Variants in TRHDE observed in about 807,000 individuals in gnomAD.
TRHDE encodes thyrotropin-releasing hormone-degrading ectoenzyme.
TRHDE carries 72 observed loss-of-function variants against 125.7 expected under a neutral mutation model. That is an observed-to-expected ratio of 0.57 (90% CI 0.47 to 0.70). The LOEUF (loss-of-function observed/expected upper bound fraction) is 0.70. Ranked by LOEUF, TRHDE falls within the 30% of genes least tolerant of loss-of-function variation. The pLI, the probability that TRHDE is intolerant of heterozygous loss-of-function variation, is 0.00. For missense variants in TRHDE, 1,110 were observed against 1,327.1 expected, an observed-to-expected ratio of 0.84 and a Z score of 2.54; for synonymous variants, 509 against 509.1, an observed-to-expected ratio of 1.00 and a Z score of 0.00.
chr12:72,120,933 C>T (rs888680957), intron 2 of TRHDE, among the ~76,000 whole-genome samples: 18 of 152,058 alleles, frequency 1.2e-4, no homozygotes, highest in African/African-American at 4.1e-4. Context: ...CCCACTCAGC[C>T]TCCCAAAGTG....
chr12:72,198,845 G>A (rs1017173053), intron 2 of TRHDE, among the ~76,000 whole-genome samples: 1 of 152,082 alleles, frequency 6.6e-6, no homozygotes, highest in African/African-American at 2.4e-5. Flanking sequence ...TTGACTCACA[G>A]TTCTGCATGG....
At chr12:72,565,983 A>AT (rs1021701898) in intron 9 of TRHDE, among the ~76,000 whole-genome samples, 7 of 152,212 alleles carry the variant, frequency 4.6e-5, no homozygotes, top group African/African-American at 1.7e-4. Context: ...AACATAATCC[A>AT]TTGCAGTCTT....
intron 1 of TRHDE, among the ~76,000 whole-genome samples, chr12:72,103,306 T>G (rs1238626835): frequency 6.6e-6 from 1 of 152,190 alleles, no homozygotes; most frequent in African/African-American, 2.4e-5. Flanking sequence ...TAAGGAAGTA[T>G]CATATTAAAA....
rs369724605 is a variant in TRHDE, at chr12:72,307,019, G to C, written c.1188+20065G>C. Among the ~76,000 whole-genome samples the C allele has an allele frequency of 3.0e-4, 45 of 152,230 alleles. No individual in the cohort carries two copies. The South Asian group carries it at 8.9e-3, about 30-fold the overall frequency. ...AAGGCATTAGGAGGAAGAGTAGAAT[G>C]GTAGGTGACGAGATCAGATATGTAT... On this transcript the variant is annotated intron_variant, in intron 2 of 18. Coordinates refer to ENST00000261180, the MANE Select transcript of TRHDE (RefSeq NM_013381.3).
chr12:72,473,520 A>G (rs1380415173), intron 5 of TRHDE, among the ~76,000 whole-genome samples: 1 of 152,134 alleles, frequency 6.6e-6, no homozygotes, highest in Admixed American at 6.6e-5. Context: ...AATATATCAA[A>G]CAGAAAAATG....
At chr12:72,615,417 C>T (rs1329214571) in intron 12 of TRHDE, among the ~76,000 whole-genome samples, 1 of 152,144 alleles carries the variant, frequency 6.6e-6, no homozygotes, top group Non-Finnish European at 1.5e-5. Flanking sequence ...ATTCCACATA[C>T]TTTCCTATAT....
At chr12:72,430,291 G>A (rs1194430194) in intron 3 of TRHDE, among the ~76,000 whole-genome samples, 3 of 138,432 alleles carry the variant, frequency 2.2e-5, no homozygotes, top group African/African-American at 8.4e-5. Context: ...TTGTGTGTGT[G>A]TATATATGTA....
Position 72,494,379 on chromosome 12 carries a change from T to G in TRHDE, c.1585-5119T>G, listed in dbSNP as rs1877813370. ...TCCATGCCTATGAATACCTCACAAC[T>G]ACTTGAATTGGCTCAGTCTTGGCTC... On this transcript the variant is annotated intron_variant, in intron 5 of 18. Transcript: ENST00000261180. 1.3e-5 allele frequency among the ~76,000 whole-genome samples: 2 copies of G among 152,094 alleles called. 1 individual carries two copies. Among genetic ancestry groups the G allele is most frequent in the Admixed American group, 1.3e-4 (2 of 15,240 alleles).
intron 7 of TRHDE, among the ~76,000 whole-genome samples, chr12:72,552,544 C>G (rs1869727399): frequency 6.6e-6 from 1 of 152,064 alleles, no homozygotes; most frequent in Non-Finnish European, 1.5e-5. Context: ...GAGAGGCAGG[C>G]AGAGTACCAA....
chr12:72,183,095 A>G (rs1337925147), intron 2 of TRHDE, among the ~76,000 whole-genome samples: 3 of 152,166 alleles, frequency 2.0e-5, no homozygotes, highest in East Asian at 1.9e-4. Flanking sequence ...GTTCTGTGAG[A>G]GTCCCCCAAC....
chr12:72,468,868 A>G (rs1264333294), intron 3 of TRHDE, among the ~76,000 whole-genome samples: 1 of 152,122 alleles, frequency 6.6e-6, no homozygotes, highest in African/African-American at 2.4e-5. Context: ...GTTTATTTTT[A>G]AGCCTGGAGA....
intron 15 of TRHDE, among the ~76,000 whole-genome samples, chr12:72,639,125 A>C (rs1337055944): frequency 1.3e-5 from 2 of 150,198 alleles, no homozygotes; most frequent in Non-Finnish European, 3.0e-5. Context: ...CATTCTCCCC[A>C]TCACTTTCAG....
At chr12:72,642,237 G>A (rs2136101015) in intron 15 of TRHDE, among the ~76,000 whole-genome samples, 1 of 152,248 alleles carries the variant, frequency 6.6e-6, no homozygotes, top group African/African-American at 2.4e-5. Flanking sequence ...TTAACTTGGT[G>A]AAACATTTTT....
chr12:72,495,060 GTTTTTTTTTT>G (rs751243542), intron 5 of TRHDE, among the ~76,000 whole-genome samples: 5 of 58,390 alleles, frequency 8.6e-5, no homozygotes, highest in African/African-American at 3.0e-4. Context: ...TTCCTCCCCC[GTTTTTTTTTT>G]TTTTTTTTTT....
At chr12:72,094,621 C>T (rs1319191146) in intron 1 of TRHDE, among the ~76,000 whole-genome samples, 4 of 152,260 alleles carry the variant, frequency 2.6e-5, no homozygotes, top group African/African-American at 9.6e-5. Context: ...GACAGGACCA[C>T]TTCAGGGTCC....
chr12:72,518,078 T>G (rs972838993), intron 6 of TRHDE, among the ~76,000 whole-genome samples: 1 of 149,506 alleles, frequency 6.7e-6, no homozygotes, highest in Admixed American at 6.7e-5. Flanking sequence ...TGTGGTCAAT[T>G]TTAGAATAGG....
At chr12:72,228,397 G>A (rs1878179656) in intron 2 of TRHDE, among the ~76,000 whole-genome samples, 1 of 152,228 alleles carries the variant, frequency 6.6e-6, no homozygotes, top group East Asian at 1.9e-4. Context: ...TTTTAGCCAT[G>A]GCGTGAATGC....
intron 6 of TRHDE, among the ~76,000 whole-genome samples, chr12:72,516,589 A>G (rs1172200432): frequency 2.0e-5 from 3 of 152,182 alleles, no homozygotes; most frequent in African/African-American, 7.2e-5. Context: ...GTTGTCTGCA[A>G]ACAGGGATAA....
chr12:72,089,319 G>A (rs1433745511), intron 1 of TRHDE, among the ~76,000 whole-genome samples: 1 of 152,106 alleles, frequency 6.6e-6, no homozygotes, highest in Non-Finnish European at 1.5e-5. Context: ...AAAGACGTAG[G>A]TCAGATTGTA....
Sources: gnomAD v4.1 joint callset for allele counts (sites outside exome capture counted in the v4.1 genomes callset) on GRCh38, gnomAD v4.1.1 for gene constraint, MANE v1.5 for transcripts, NCBI Gene and HGNC (gene_info 2026-07-23, HGNC 2026-07-21) for gene names.